Variants in CSMD1 observed in about 807,000 individuals in gnomAD.
CSMD1 encodes CUB and sushi domain-containing protein 1.
CSMD1 carries 213 observed loss-of-function variants against 417.5 expected under a neutral mutation model. That is an observed-to-expected ratio of 0.51 (90% CI 0.46 to 0.57). CSMD1 has a LOEUF of 0.57. Ranked by LOEUF, CSMD1 falls within the 20% of genes least tolerant of loss-of-function variation. The pLI, the probability that CSMD1 is intolerant of heterozygous loss-of-function variation, is 0.00. For missense variants in CSMD1, 6,923 were observed against 4,529.7 expected (o/e 1.53, Z -15.17); for synonymous variants, 2,862 against 1,736.8 (o/e 1.65, Z -16.11).
intron 1 of CSMD1, among the ~76,000 whole-genome samples, chr8:4,907,153 T>C (rs1805338850): frequency 6.6e-6 from 1 of 152,238 alleles, no homozygotes. Context: ...TGATGAAATA[T>C]TCTTACTTAA....
At chr8:4,633,458 C>A (rs1235807230) in intron 2 of CSMD1, among the ~76,000 whole-genome samples, 1 of 151,938 alleles carries the variant, frequency 6.6e-6, no homozygotes, top group Non-Finnish European at 1.5e-5. Context: ...ACCGTGTTAG[C>A]CAGGATGGTC....
rs564908448 is a variant in CSMD1, at chr8:3,930,211, C to A, written c.818+67692G>T. Among the ~76,000 whole-genome samples the A allele has an allele frequency of 1.7e-4, 25 of 150,182 alleles. 3 individuals carry two copies. In the South Asian group the frequency reaches 5.2e-3, roughly 31 times the overall value. On this transcript the variant is annotated intron_variant, in intron 5 of 69. Transcript: ENST00000635120. The stretch of plus-strand genomic sequence containing the variant: ...GTATCTATTAGATGATGATTCTATA[C>A]GTGACAAGTAAAGTAGAGGTCCTTC...
At chr8:3,508,751 A>G (rs554542631) in intron 10 of CSMD1, among the ~76,000 whole-genome samples, 2 of 152,282 alleles carry the variant, frequency 1.3e-5, no homozygotes, top group African/African-American at 4.8e-5. Flanking sequence ...TTATCATTCT[A>G]TTTAGACCGA....
chr8:3,450,853 T>A (rs367625186), intron 12 of CSMD1, among the ~76,000 whole-genome samples: 2 of 151,780 alleles, frequency 1.3e-5, no homozygotes, highest in East Asian at 1.9e-4. Flanking sequence ...CTGGGTCAAA[T>A]GGTAATTCTA....
At chr8:3,212,244 C>T (rs1310144694) in intron 30 of CSMD1, among the ~76,000 whole-genome samples, 1 of 152,150 alleles carries the variant, frequency 6.6e-6, no homozygotes, top group African/African-American at 2.4e-5. Flanking sequence ...TTCCCATTCA[C>T]AAAAGTCTCC....
At chr8:3,765,732 G>A (rs1011558778) in intron 5 of CSMD1, among the ~76,000 whole-genome samples, 1 of 152,214 alleles carries the variant, frequency 6.6e-6, no homozygotes, top group African/African-American at 2.4e-5. Context: ...GCAGGTGGGG[G>A]CGCCCAGGGG....
At chr8:3,644,740 T>A (rs977802690) in intron 7 of CSMD1, among the ~76,000 whole-genome samples, 4 of 152,020 alleles carry the variant, frequency 2.6e-5, no homozygotes, top group African/African-American at 9.7e-5. Flanking sequence ...GGGGGTGCAG[T>A]GCCAGCAGAC....
chr8:3,848,690 A>G (rs1803677801), intron 5 of CSMD1, among the ~76,000 whole-genome samples: 1 of 152,134 alleles, frequency 6.6e-6, no homozygotes, highest in Non-Finnish European at 1.5e-5. Flanking sequence ...TGCTCCTTGC[A>G]CCATCTGTGT....
intron 5 of CSMD1, among the ~76,000 whole-genome samples, chr8:3,773,280 A>G (rs1798715820): frequency 6.6e-6 from 1 of 152,110 alleles, no homozygotes; most frequent in African/African-American, 2.4e-5. Flanking sequence ...TTGGGGATAT[A>G]ATAGGTTTGG....
intron 3 of CSMD1, among the ~76,000 whole-genome samples, chr8:4,361,328 G>C (rs368087957): frequency 1.1e-4 from 17 of 152,252 alleles, no homozygotes; most frequent in East Asian, 9.7e-4. Flanking sequence ...ATTAGATAAT[G>C]ATATATCTGA....
At chr8:4,166,628 G>T (rs148041835) in intron 3 of CSMD1, among the ~76,000 whole-genome samples, 1 of 152,104 alleles carries the variant, frequency 6.6e-6, no homozygotes, top group Admixed American at 6.5e-5. Flanking sequence ...GGGAGCAGGG[G>T]ACAGAAGACT....
At chr8:4,539,943 C>G (rs1220203016) in intron 2 of CSMD1, among the ~76,000 whole-genome samples, 2 of 152,148 alleles carry the variant, frequency 1.3e-5, no homozygotes, top group Non-Finnish European at 2.9e-5. Flanking sequence ...TCTACCCCAG[C>G]CCAAACTCCG....
At chr8:4,167,776 G>A (rs982648985) in intron 3 of CSMD1, among the ~76,000 whole-genome samples, 1 of 152,134 alleles carries the variant, frequency 6.6e-6, no homozygotes, top group Non-Finnish European at 1.5e-5. Context: ...GATTGCTTGA[G>A]TTCAGGAGTT....
At chr8:4,780,436 T>TCTAC (rs1275146708) in intron 1 of CSMD1, among the ~76,000 whole-genome samples, 6 of 152,134 alleles carry the variant, frequency 3.9e-5, no homozygotes, top group Non-Finnish European at 7.4e-5. Context: ...TGTCTGTCTG[T>TCTAC]CTACCTACCT....
intron 10 of CSMD1, among the ~76,000 whole-genome samples, chr8:3,550,284 C>A (rs1489320717): frequency 6.6e-6 from 1 of 152,130 alleles, no homozygotes; most frequent in Admixed American, 6.5e-5. Flanking sequence ...GCTGCCCTCT[C>A]CTGTTTTCTC....
At chr8:4,016,315 T>C (rs780189047) in intron 4 of CSMD1, among the ~76,000 whole-genome samples, 2 of 152,152 alleles carry the variant, frequency 1.3e-5, no homozygotes, top group Non-Finnish European at 2.9e-5. Flanking sequence ...AAATGGGGAA[T>C]AATTAACTAC....
intron 11 of CSMD1, 124 bp downstream of exon 11, chr8:3,493,499 A>C: frequency 1.5e-6 from 1 of 666,188 alleles, no homozygotes; most frequent in Non-Finnish European, 2.6e-6. Context: ...CCACTACATT[A>C]GCCATAGATG....
intron 3 of CSMD1, among the ~76,000 whole-genome samples, chr8:4,404,790 G>T (rs1035510948): frequency 2.0e-5 from 3 of 152,000 alleles, no homozygotes; most frequent in African/African-American, 7.3e-5. Flanking sequence ...AGCAAGACTT[G>T]AACTAAATAT....
At chr8:4,546,838 A>G (rs1328665780) in intron 2 of CSMD1, among the ~76,000 whole-genome samples, 1 of 151,986 alleles carries the variant, frequency 6.6e-6, no homozygotes, top group South Asian at 2.1e-4. Flanking sequence ...TGTATATAAT[A>G]CAACATATGC....
Sources: gnomAD v4.1 joint callset for allele counts (sites outside exome capture counted in the v4.1 genomes callset) on GRCh38, gnomAD v4.1.1 for gene constraint, MANE v1.5 for transcripts, NCBI Gene and HGNC (gene_info 2026-07-23, HGNC 2026-07-21) for gene names.